GAS2L2: variants seen among roughly 807,000 people sequenced by gnomAD.
GAS2L2 encodes the protein GAS2-like protein 2.
GAS2L2 carries 21 observed loss-of-function variants against 35.2 expected under a neutral mutation model. That is an observed-to-expected ratio of 0.60 (90% CI 0.42 to 0.86). GAS2L2 has a LOEUF of 0.86. Among genes scored for constraint, GAS2L2 ranks in the 40% least tolerant of loss-of-function variants. The pLI is 0.00. For missense variants in GAS2L2, 1,169 were observed against 1,144.4 expected, an observed-to-expected ratio of 1.02 and a Z score of -0.31; for synonymous variants, 490 against 473.2, an observed-to-expected ratio of 1.04 and a Z score of -0.46.
intron 3 of GAS2L2, among the ~76,000 whole-genome samples, chr17:35,748,539 G>A (rs1036815400): frequency 2.6e-5 from 4 of 152,244 alleles, no homozygotes; most frequent in African/African-American, 4.8e-5. Context: ...GGTACAGACC[G>A]TTTCTGGTGA....
In GAS2L2 at chr17:35,744,715, T is replaced by C; in HGVS notation, c.*139A>G. On this transcript the variant is annotated 3_prime_UTR_variant, in exon 6 of 6. Transcript: ENST00000604641. ...TTTGCTCAGATGAGCAGATGGAGTC[T>C]ATATTTGTCTTCTGACCCACTCCTG... 1.5e-6 allele frequency: 1 copy of C among 670,748 alleles called. No homozygotes were observed. The allele number at this position is 670,748 out of a possible 1,614,324, so 41.5% of individuals were successfully genotyped here. A position where few individuals can be genotyped will look rare whatever the true frequency, so the allele number is the denominator to read the frequency against.
In GAS2L2 at chr17:35,751,848, C is replaced by CTTTTTTTTTTTT. The variant is rs587677612; in HGVS notation, c.385+606_385+617dup. ...TATCCCTCTACCTCTCTCTCTCTCT[C>CTTTTTTTTTTTT]TTTTTTTTTTTTTTTTTTTTTTTTT... is the stretch of plus-strand genomic sequence containing the variant. On this transcript the variant is annotated intron_variant, in intron 1 of 5. Transcript: ENST00000604641. Among the ~76,000 whole-genome samples the CTTTTTTTTTTTT allele has an allele frequency of 3.0e-5, 3 of 99,984 alleles. 1 individual carries two copies. The highest frequency in any genetic ancestry group is 1.5e-4 in the African/African-American group (3 of 20,494). 65.6% of individuals were successfully genotyped at this position (99,984 alleles called of 152,430 possible). A position where few individuals can be genotyped will look rare whatever the true frequency, so the allele number is the denominator to read the frequency against.
rs2085667419 is a variant in GAS2L2, at chr17:35,746,263, G to A, written c.1234C>T (p.Pro412Ser). Residue 412 changes from proline (P) to serine (S), a missense_variant, in exon 6 of 6, where the codon CCC becomes TCC. By Grantham distance (74) the Pro-to-Ser change is moderately conservative. Coordinates refer to ENST00000604641, the MANE Select transcript of GAS2L2 (RefSeq NM_139285.4). ...CAAGATGTGGGAATCCTTCCCCTGG[G>A]GAGTTCAGGGGGGTATCTCTCCTCC... ...KREERYPPEL[P>S]RGRIPTSWVH... 6 of 1,458,650 alleles carry A rather than the reference G, an allele frequency of 4.1e-6. No individual in the cohort carries two copies. The highest frequency in any genetic ancestry group is 5.4e-6 in the Non-Finnish European group (6 of 1,103,922). The allele number at this position is 1,458,650 out of a possible 1,614,324, so 90.4% of individuals were successfully genotyped here.
In GAS2L2 at chr17:35,745,220, C is replaced by G; in HGVS notation, c.2277G>C (p.Arg759Ser). 1 of 1,604,742 alleles carries G rather than the reference C, an allele frequency of 6.2e-7. No homozygotes were observed. Among genetic ancestry groups the G allele is most frequent in the Non-Finnish European group, 8.5e-7 (1 of 1,174,630 alleles). ...DKAKACLSKGRRTLRKPKRVP... is the reference protein window; with the variant it reads ...DKAKACLSKGSRTLRKPKRVP... ...CCCTCTTGGGCTTCCGGAGAGTTCT[C>G]CTGCCCTTGCTCAGACATGCCTTGG... Residue 759 changes from arginine (R) to serine (S), a missense_variant, in exon 6 of 6, where the codon AGG (arginine) becomes AGC (serine). Physicochemically the swap from Arg to Ser is moderately radical, Grantham distance 110. Around this residue, in one of 3 missense-constraint regions of GAS2L2, gnomAD observed 1,035 missense variants for 976.5 expected, o/e 1.06. Coordinates refer to ENST00000604641, the MANE Select transcript of GAS2L2 (RefSeq NM_139285.4).
intron 4 of GAS2L2, 132 bp from the exon 5 acceptor site, chr17:35,747,400 A>G (rs2085675899): frequency 9.3e-7 from 1 of 1,072,554 alleles, no homozygotes; most frequent in African/African-American, 1.6e-5. Context: ...CAGTGGCAAC[A>G]CCGGAGTTTC....
chr17:35,747,762 T>TAC (rs1422154528), intron 4 of GAS2L2, 87 bp downstream of exon 4: 28 of 1,068,788 alleles, frequency 2.6e-5, no homozygotes, highest in Middle Eastern at 2.0e-4. Context: ...AGATCAGACA[T>TAC]ACCTCCCACC....
Position 35,746,250 on chromosome 17 carries a change from A to G in GAS2L2, c.1247T>C (p.Ile416Thr). 1 of 1,469,600 alleles carries G rather than the reference A, an allele frequency of 6.8e-7. No individual in the cohort carries two copies. The highest frequency in any genetic ancestry group is 9.0e-7 in the Non-Finnish European group (1 of 1,109,198). 91.0% of individuals were successfully genotyped at this position (1,469,600 alleles called of 1,614,324 possible). The change falls in exon 6 of 6, where the codon ATT becomes ACT. Residue 416 changes from isoleucine (I) to threonine (T), a missense_variant. Coordinates refer to ENST00000604641, the MANE Select transcript of GAS2L2 (RefSeq NM_139285.4). ...RYPPELPRGR[I>T]PTSWVHEETD... ...TTCTTCATGAACCCAAGATGTGGGAATCCTTCCCCTGGGGAGTTCAGGGGG... is the reference window on the plus strand; with the variant it reads ...TTCTTCATGAACCCAAGATGTGGGAGTCCTTCCCCTGGGGAGTTCAGGGGG...
At chr17:35,747,767 C>T in intron 4 of GAS2L2, 82 bp downstream of exon 4, 1 of 1,131,542 alleles carries the variant, frequency 8.8e-7, no homozygotes, top group Non-Finnish European at 1.3e-6. Flanking sequence ...AGACATACCT[C>T]CCACCTCTGC....
At chr17:35,750,753 C>A (rs1466647480) in intron 1 of GAS2L2, among the ~76,000 whole-genome samples, 2 of 152,182 alleles carry the variant, frequency 1.3e-5, no homozygotes, top group Admixed American at 1.3e-4. Context: ...ATCTCAAACT[C>A]AGCTCCCACC....
At position 35,752,692 on chromosome 17, in the gene GAS2L2, G is replaced by A; in HGVS notation, c.159C>T (p.Ala53=). Residue 53 remains alanine, a synonymous_variant, in exon 1 of 6, where the codon GCC becomes GCT. Coordinates refer to ENST00000604641, the MANE Select transcript of GAS2L2 (RefSeq NM_139285.4). Reference sequence around the variant, plus strand: ...CCGTTTCCAGCACCTGCAGGAAGTTGGCTGCGTCGATGTCCAGCCCATAGA... The same window carrying A: ...CCGTTTCCAGCACCTGCAGGAAGTTAGCTGCGTCGATGTCCAGCCCATAGA... ...RDLYGLDIDA[A]NFLQVLETGL... is the part of the protein sequence containing the mutation. 2 of 1,614,094 alleles carry A rather than the reference G, an allele frequency of 1.2e-6. No individual in the cohort carries two copies. The highest frequency in any genetic ancestry group is 1.7e-6 in the Non-Finnish European group (2 of 1,180,042).
In GAS2L2 at chr17:35,745,378, C is replaced by T. The variant is rs1555598732; in HGVS notation, c.2119G>A (p.Ala707Thr). 1 of 1,590,114 alleles carries T rather than the reference C, an allele frequency of 6.3e-7. No individual in the cohort carries two copies. Among genetic ancestry groups the T allele is most frequent in the South Asian group, 1.1e-5 (1 of 87,458 alleles). ...GARQSGPRTK[A>T]SLSAKGTHMR... ...TGGGTGCCCTTGGCACTCAGGCTTG[C>T]CTTTGTCCTGGGCCCACTCTGTCTG... The change falls in exon 6 of 6, where the codon GCA becomes ACA. Residue 707 changes from alanine (A) to threonine (T), a missense_variant. Coordinates refer to ENST00000604641, the MANE Select transcript of GAS2L2 (RefSeq NM_139285.4).
At chr17:35,746,504 TC>T in intron 5 of GAS2L2, 93 bp from the exon 6 acceptor site, 1 of 811,814 alleles carries the variant, frequency 1.2e-6, no homozygotes. Flanking sequence ...TGACAGTCTT[TC>T]CCCAGTGAGA....
Position 35,745,262 on chromosome 17 carries a change from G to C in GAS2L2, c.2235C>G (p.Asp745Glu). ...ATGCCTTGGCTTTGTCAGAGTTGGG[G>C]TCCAAGGGCGAAGGTGTGGGGGCCT... Reference protein sequence around the residue: ...SPEAPTPSPLDPNSDKAKACL... With the variant: ...SPEAPTPSPLEPNSDKAKACL... Residue 745 changes from aspartate (D) to glutamate (E), a missense_variant, in exon 6 of 6, where the codon GAC becomes GAG. By Grantham distance (45) the Asp-to-Glu change is conservative. Coordinates refer to ENST00000604641, the MANE Select transcript of GAS2L2 (RefSeq NM_139285.4). 5 of 1,609,840 alleles carry C rather than the reference G, an allele frequency of 3.1e-6. No individual in the cohort carries two copies. Among genetic ancestry groups the C allele is most frequent in the Non-Finnish European group, 4.2e-6 (5 of 1,177,358 alleles).
At chr17:35,751,405 C>T (rs1351979346) in intron 1 of GAS2L2, among the ~76,000 whole-genome samples, 1 of 152,160 alleles carries the variant, frequency 6.6e-6, no homozygotes, top group Non-Finnish European at 1.5e-5. Flanking sequence ...TGGTGGCTCA[C>T]ACCTGCAATC....
chr17:35,750,546 C>G (rs1480174065), intron 1 of GAS2L2, among the ~76,000 whole-genome samples: 1 of 152,182 alleles, frequency 6.6e-6, no homozygotes, highest in African/African-American at 2.4e-5. Context: ...GCCCATCTCA[C>G]AGGAGAGGCT....
rs1216632496 is a variant in GAS2L2 at position 35,747,244 on chromosome 17, T to C, written c.857A>G (p.Lys286Arg). The change falls in exon 5 of 6, where the codon AAG becomes AGG. Residue 286 changes from lysine (K) to arginine (R), a missense_variant. By Grantham distance (26) the Lys-to-Arg change is conservative (BLOSUM62 2). Coordinates refer to ENST00000604641, the MANE Select transcript of GAS2L2 (RefSeq NM_139285.4). ...ATGCTGCACTGGTGGGGCCGGGGGC[T>C]TCAGGAAGCTGCCTGGCTTGTGTGC... is the stretch of plus-strand genomic sequence containing the variant. ...SLSHKPGSFL[K>R]PPAPPVQHEV... is the part of the protein sequence containing the mutation. 6.2e-7 allele frequency: 1 copy of C among 1,612,024 alleles called. No homozygotes were observed. The highest frequency in any genetic ancestry group is 2.2e-5 in the East Asian group (1 of 44,854).
At chr17:35,746,885 T>C (rs1555599051) in intron 5 of GAS2L2, 131 bp downstream of exon 5, 1 of 882,376 alleles carries the variant, frequency 1.1e-6, no homozygotes, top group African/African-American at 1.7e-5. Flanking sequence ...GGTATGCTTC[T>C]GGTTCCAAAA....
At chr17:35,747,971 G>C in intron 3 of GAS2L2, 26 bp from the exon 4 acceptor site, 1 of 1,591,706 alleles carries the variant, frequency 6.3e-7, no homozygotes, top group Non-Finnish European at 8.6e-7. Context: ...TGAGGTTAAG[G>C]GCGGGGTGGA....
intron 1 of GAS2L2, 28 bp from the exon 2 acceptor site, chr17:35,750,346 A>G: frequency 3.1e-6 from 5 of 1,613,812 alleles, no homozygotes; most frequent in Non-Finnish European, 4.2e-6. Flanking sequence ...AGAAAAGGGC[A>G]GAGGCAGCGT....
Sources: gnomAD v4.1 joint callset for allele counts (sites outside exome capture counted in the v4.1 genomes callset) on GRCh38, gnomAD v4.1.1 for gene constraint, gnomAD v4.1.1 regional missense constraint, MANE v1.5 for transcripts, NCBI Gene and HGNC (gene_info 2026-07-23, HGNC 2026-07-21) for gene names.